The following LPCAT4 variants were observed in gnomAD, a reference collection of about 807,000 sequenced individuals.
LPCAT4 encodes lysophospholipid acyltransferase LPCAT4.
A neutral mutation model predicts 66.5 loss-of-function variants in LPCAT4; 30 were observed. The ratio of observed to expected loss-of-function variants is 0.45; its 90% confidence interval spans 0.34 to 0.61. The LOEUF is 0.61. Ranked by LOEUF, LPCAT4 falls within the 20% of genes least tolerant of loss-of-function variation. The pLI is 0.01. For synonymous variants in LPCAT4, 253 were observed against 262.1 expected, an observed-to-expected ratio of 0.97 and a Z score of 0.34; for missense variants, 557 against 656.7, an observed-to-expected ratio of 0.85 and a Z score of 1.66.
chr15:34,364,987 A>G, intron 3 of LPCAT4, 21 bp downstream of exon 3: 1 of 1,587,772 alleles, frequency 6.3e-7, no homozygotes. Context: ...CCTGCCCTTC[A>G]CCCCCTTTGA....
intron 1 of LPCAT4, among the ~76,000 whole-genome samples, chr15:34,366,363 A>T (rs1258960806): frequency 6.6e-6 from 1 of 152,132 alleles, no homozygotes; most frequent in Non-Finnish European, 1.5e-5. Flanking sequence ...CGGGGAGGTG[A>T]TGACAGCAGA....
intron 13 of LPCAT4, 48 bp from the exon 14 acceptor site, chr15:34,359,350 A>G: frequency 6.9e-6 from 10 of 1,451,982 alleles, no homozygotes; most frequent in Non-Finnish European, 9.1e-6. Flanking sequence ...AAGAACGAGA[A>G]GAGAATCTCC....
rs138378733 is a variant in LPCAT4, at chr15:34,359,233, G to T, written c.1469C>A (p.Pro490Gln). 4 of 1,577,074 alleles carry T rather than the reference G, an allele frequency of 2.5e-6. No homozygotes were observed. The highest frequency in any genetic ancestry group is 1.9e-5 in the Admixed American group (1 of 53,988). The change falls in exon 14 of 14, where the codon CCA (proline) becomes CAA (glutamine). Residue 490 changes from proline to glutamine, a missense_variant. By Grantham distance (76) the Pro-to-Gln change is moderately conservative (BLOSUM62 -1). This residue lies in a region of LPCAT4 where 392 missense variants were observed against 473.9 expected (regional missense o/e 0.83). Transcript: ENST00000314891. ...GKLFSTYLRP[P>Q]HTSRGTSQTP... is the part of the protein sequence containing the mutation. ...CTGGGAGGTGCCTCGAGAGGTGTGT[G>T]GGGGGCGCAGGTAGGTGCTGAAGAG... is the stretch of plus-strand genomic sequence containing the variant.
At position 34,362,340 on chromosome 15, in the gene LPCAT4, T is replaced by A; in HGVS notation, c.885-19A>T. On this transcript the variant is annotated intron_variant, in intron 9 of 13. Coordinates refer to ENST00000314891, the MANE Select transcript of LPCAT4 (RefSeq NM_153613.3). ...CAGAGCCCTACAGGATGAAGAGGGA[T>A]GGGATGGAGGGTAAGGAAGCAGAAG... 6.2e-7 allele frequency: 1 copy of A among 1,613,904 alleles called. No individual in the cohort carries two copies. The highest frequency in any genetic ancestry group is 8.5e-7 in the Non-Finnish European group (1 of 1,179,922).
intron 13 of LPCAT4, 73 bp downstream of exon 13, chr15:34,359,516 C>T: frequency 6.4e-7 from 1 of 1,554,024 alleles, no homozygotes; most frequent in Non-Finnish European, 8.7e-7. Flanking sequence ...CTTGTTCCCT[C>T]CCAGCCCAGT....
In LPCAT4 at chr15:34,365,139, G is replaced by T. The variant is rs1891046049; in HGVS notation, c.347C>A (p.Ala116Asp). The T allele has an allele frequency of 1.9e-6, 3 of 1,614,118 alleles. No individual in the cohort carries two copies. Among genetic ancestry groups the T allele is most frequent in the Non-Finnish European group, 2.5e-6 (3 of 1,180,052 alleles). ...AAGGACAGGGGCTTGAAGGCGAGAG[G>T]CTCGCTGGCCACGAACGCGAATCCG... ...FLRIRVRGQR[A>D]SRLQAPVLVA... Residue 116 changes from alanine to aspartate, a missense_variant, in exon 3 of 14, where the codon GCC (alanine) becomes GAC (aspartate). Physicochemically the swap from Ala to Asp is moderately radical, Grantham distance 126. Coordinates refer to ENST00000314891, the MANE Select transcript of LPCAT4 (RefSeq NM_153613.3).
chr15:34,365,213 G>A lies in LPCAT4; in HGVS notation c.273C>T (p.Asn91=), dbSNP rs558380904. 18 of 1,608,266 alleles carry A rather than the reference G, an allele frequency of 1.1e-5. No individual in the cohort carries two copies. In the South Asian group the frequency reaches 1.4e-4, roughly 13 times the overall value. Residue 91 remains asparagine, a synonymous_variant, in exon 3 of 14, where the codon AAC becomes AAT. Transcript: ENST00000314891. The stretch of plus-strand genomic sequence containing the variant: ...GCAGGCGGCTCAGGCCTAGCACCCC[G>A]TTGTGGCACACAGTCCTGCCAGGGC... ...ITGWRKTVCH[N]GVLGLSRLLF...
At position 34,363,380 on chromosome 15, in the gene LPCAT4, AC is replaced by A; in HGVS notation, c.746+41del. The A allele has an allele frequency of 6.3e-7, 1 of 1,599,268 alleles. No individual in the cohort carries two copies. Among genetic ancestry groups the A allele is most frequent in the Non-Finnish European group, 8.5e-7 (1 of 1,172,130 alleles). ...AGATGGGCCAGGAATTCTCTGATGG[AC>A]CCTGCTCCCCACCCTCACCCCCAGG... On this transcript the variant is annotated intron_variant, in intron 7 of 13. Coordinates refer to ENST00000314891, the MANE Select transcript of LPCAT4 (RefSeq NM_153613.3). This position sits in a 1 kb window ranked among gnomAD's most constrained non-coding sequence, Gnocchi z 4.3.
intron 10 of LPCAT4, among the ~76,000 whole-genome samples, 176 bp from the exon 11 acceptor site, chr15:34,361,708 C>CTT (rs71119958): frequency 1.3e-5 from 2 of 150,666 alleles, no homozygotes; most frequent in Non-Finnish European, 3.0e-5. Flanking sequence ...CTTTTCTTTT[C>CTT]TTTTTTTTTT....
chr15:34,363,577 T>G lies in LPCAT4; in HGVS notation c.711+84A>C. 1 of 1,600,356 alleles carries G rather than the reference T, an allele frequency of 6.2e-7. No homozygotes were observed. On this transcript the variant is annotated intron_variant, in intron 6 of 13. Transcript: ENST00000314891. This position sits in a 1 kb window ranked among gnomAD's most constrained non-coding sequence, Gnocchi z 4.3. ...GTCACAGCCCCCAATGCACATCCCA[T>G]TAAAGCACCAACAGTTTTCACTTAT... is the stretch of plus-strand genomic sequence containing the variant.
rs777358200 is a variant in LPCAT4 at position 34,359,167 on chromosome 15, G to A, written c.1535C>T (p.Ala512Val). 5 of 1,607,052 alleles carry A rather than the reference G, an allele frequency of 3.1e-6. No homozygotes were observed. The South Asian group carries it at 5.6e-5, about 18-fold the overall frequency. ...ASSPGNPTAL[A>V]NGTVQAPKQK... Reference sequence around the variant, plus strand: ...CTTGGGTGCTTGCACAGTCCCATTGGCCAGAGCAGTGGGGTTGCCTGGGGA... The same window carrying A: ...CTTGGGTGCTTGCACAGTCCCATTGACCAGAGCAGTGGGGTTGCCTGGGGA... Residue 512 changes from alanine (A) to valine (V), a missense_variant, in exon 14 of 14, where the codon GCC (alanine) becomes GTC (valine). Transcript: ENST00000314891.
At chr15:34,366,805 T>A in intron 1 of LPCAT4, 182 bp downstream of exon 1, 1 of 745,154 alleles carries the variant, frequency 1.3e-6, no homozygotes, top group Non-Finnish European at 2.2e-6. Flanking sequence ...GCCCGCAGCG[T>A]CCTCTCCAGG....
Position 34,363,702 on chromosome 15 carries a change from C to A in LPCAT4, c.670G>T (p.Val224Leu), listed in dbSNP as rs759564542. Residue 224 changes from valine (V) to leucine (L), a missense_variant, in exon 6 of 14, where the codon GTG becomes TTG. This residue lies in a region of LPCAT4 where 392 missense variants were observed against 473.9 expected (regional missense o/e 0.83). Coordinates refer to ENST00000314891, the MANE Select transcript of LPCAT4 (RefSeq NM_153613.3). The surrounding 1 kb of genome is among the most constrained non-coding windows in gnomAD (Gnocchi z 4.3). ...KFKPGAFIAGVPVQPVLIRYP... is the reference protein window; with the variant it reads ...KFKPGAFIAGLPVQPVLIRYP... ...CGGATGAGGACAGGCTGCACAGGCA[C>A]CCCTGCGATGAAGGCTCCTAAATCC... is the stretch of plus-strand genomic sequence containing the variant. 1 of 1,614,132 alleles carries A rather than the reference C, an allele frequency of 6.2e-7. No individual in the cohort carries two copies. The highest frequency in any genetic ancestry group is 8.5e-7 in the Non-Finnish European group (1 of 1,180,024).
At position 34,361,384 on chromosome 15, in the gene LPCAT4, G is replaced by A; in HGVS notation, c.1143+16C>T. 2 of 1,614,130 alleles carry A rather than the reference G, an allele frequency of 1.2e-6. No individual in the cohort carries two copies. The highest frequency in any genetic ancestry group is 2.2e-5 in the South Asian group (2 of 91,088). ...AAGCCTGGGTTCTGCTCTGCTCTTT[G>A]TTCCAGCTCCTTTACCTGCTGGAAG... On this transcript the variant is annotated intron_variant, in intron 11 of 13. Coordinates refer to ENST00000314891, the MANE Select transcript of LPCAT4 (RefSeq NM_153613.3).
At chr15:34,366,895 CG>C in intron 1 of LPCAT4, 91 bp downstream of exon 1, 1 of 1,509,342 alleles carries the variant, frequency 6.6e-7, no homozygotes. Flanking sequence ...ATCTCCTTCT[CG>C]TGGATCCCCA....
Position 34,364,315 on chromosome 15 carries a change from G to C in LPCAT4, c.479-9C>G. On this transcript the variant is annotated splice_polypyrimidine_tract_variant and intron_variant, in intron 3 of 13. Coordinates refer to ENST00000314891, the MANE Select transcript of LPCAT4 (RefSeq NM_153613.3). The stretch of plus-strand genomic sequence containing the variant: ...GTTGAATCGAAGAAGGGCTGGGGTT[G>C]GGAAGGATACAAAGAGGAATCACTT... 1.3e-6 allele frequency: 2 copies of C among 1,589,130 alleles called. No homozygotes were observed. The highest frequency in any genetic ancestry group is 1.7e-6 in the Non-Finnish European group (2 of 1,157,888).
Position 34,361,481 on chromosome 15 carries a change from C to T in LPCAT4, c.1062G>A (p.Met354Ile). The change falls in exon 11 of 14, where the codon ATG becomes ATA. Residue 354 changes from methionine to isoleucine, a missense_variant. This residue lies in a region of LPCAT4 where 392 missense variants were observed against 473.9 expected (regional missense o/e 0.83). Coordinates refer to ENST00000314891, the MANE Select transcript of LPCAT4 (RefSeq NM_153613.3). ...DAGAEPGRSR[M>I]ISQEEFARQL... ...GCCTGGCAAACTCTTCCTGGCTGAT[C>T]ATTCGACTCCGGCCTGGCTCTGCCC... 6.2e-7 allele frequency: 1 copy of T among 1,614,116 alleles called. No individual in the cohort carries two copies.
rs1891090621 is a variant in LPCAT4 at position 34,366,890 on chromosome 15, C to A, written c.114+97G>T. ...GCTCCGCAAGCCTCTCAGCCATCTC[C>A]TTCTCGTGGATCCCCAAGCCCACCT... is the stretch of plus-strand genomic sequence containing the variant. On this transcript the variant is annotated intron_variant, in intron 1 of 13. Transcript: ENST00000314891. 2.0e-6 allele frequency: 3 copies of A among 1,506,786 alleles called. No individual in the cohort carries two copies. The South Asian group carries it at 3.6e-5, about 18-fold the overall frequency. 93.3% of individuals were successfully genotyped at this position (1,506,786 alleles called of 1,614,324 possible).
chr15:34,362,683 T>C (rs1890975612), intron 8 of LPCAT4, 28 bp from the exon 9 acceptor site: 20 of 1,611,378 alleles, frequency 1.2e-5, no homozygotes, highest in Non-Finnish European at 1.5e-5. Context: ...ACAATTCTTA[T>C]CAGAACCTCA....
Sources: allele counts gnomAD v4.1 joint callset (sites outside exome capture counted in the v4.1 genomes callset), GRCh38; gene constraint gnomAD v4.1.1; regional missense constraint gnomAD v4.1.1; non-coding constraint Gnocchi (gnomAD v3.1); transcripts MANE v1.5; gene names NCBI Gene and HGNC (gene_info 2026-07-23, HGNC 2026-07-21).